Variants in RARRES1 observed in about 807,000 individuals in gnomAD.
The protein encoded by RARRES1 is retinoic acid receptor responder 1.
A neutral mutation model predicts 30.6 loss-of-function variants in RARRES1; 34 were observed. The ratio of observed to expected loss-of-function variants is 1.11; its 90% confidence interval spans 0.84 to 1.48. RARRES1 has a LOEUF of 1.48. Among genes scored for constraint, RARRES1 ranks in the 40% most tolerant of loss-of-function variants. The pLI is 0.00. For missense variants in RARRES1, 373 were observed against 386.5 expected, an observed-to-expected ratio of 0.97 and a Z score of 0.29; for synonymous variants, 153 against 155.5, an observed-to-expected ratio of 0.98 and a Z score of 0.12.
At chr3:158,714,211 C>T (rs998674909) in intron 1 of RARRES1, among the ~76,000 whole-genome samples, 1 of 152,190 alleles carries the variant, frequency 6.6e-6, no homozygotes. Context: ...ACGCCCTGTC[C>T]TGGGGCCACA....
intron 4 of RARRES1, among the ~76,000 whole-genome samples, chr3:158,700,863 A>C (rs1468856981): frequency 6.6e-6 from 1 of 152,110 alleles, no homozygotes; most frequent in Non-Finnish European, 1.5e-5. Flanking sequence ...GTTCCCTTTT[A>C]CTTGGTCATA....
intron 1 of RARRES1, among the ~76,000 whole-genome samples, chr3:158,722,184 T>C (rs373028192): frequency 2.8e-4 from 42 of 152,170 alleles, no homozygotes; most frequent in African/African-American, 8.9e-4. Flanking sequence ...TGCTTCCTGT[T>C]AGATGGATAA....
chr3:158,724,096 TAG>T (rs1221513263), intron 1 of RARRES1, among the ~76,000 whole-genome samples: 1 of 152,000 alleles, frequency 6.6e-6, no homozygotes, highest in Non-Finnish European at 1.5e-5. Context: ...AGTACTGAGC[TAG>T]AGAGGAGAGG....
chr3:158,727,549 T>C (rs1409172404), intron 1 of RARRES1, among the ~76,000 whole-genome samples: 1 of 152,178 alleles, frequency 6.6e-6, no homozygotes, highest in African/African-American at 2.4e-5. Flanking sequence ...GTCCCAGAAC[T>C]TGCTGAGTGG....
chr3:158,720,273 T>TGAGAGAGAGAGAGAGAGAGA (rs968371151), intron 1 of RARRES1, among the ~76,000 whole-genome samples: 18 of 144,540 alleles, frequency 1.2e-4, no homozygotes, highest in African/African-American at 4.1e-4. Flanking sequence ...TGTATGTGTG[T>TGAGAGAGAGAGAGAGAGAGA]GAGAGAGAGA....
chr3:158,699,434 A>ACCCCC (rs139216148), intron 4 of RARRES1, among the ~76,000 whole-genome samples: 18 of 137,852 alleles, frequency 1.3e-4, no homozygotes, highest in African/African-American at 4.1e-4. Flanking sequence ...CAAAAAAGCA[A>ACCCCC]CCCCCCCCCC....
intron 3 of RARRES1, among the ~76,000 whole-genome samples, chr3:158,710,080 C>T (rs1576813352): frequency 6.6e-6 from 1 of 152,250 alleles, no homozygotes; most frequent in Admixed American, 6.5e-5. Context: ...AGAGATGTCA[C>T]CTCAGCTCCT....
intron 1 of RARRES1, among the ~76,000 whole-genome samples, chr3:158,727,377 G>T (rs1256759917): frequency 6.6e-6 from 1 of 152,206 alleles, no homozygotes. Flanking sequence ...GTCTTGGCCT[G>T]GTCAGAGGGT....
chr3:158,704,608 G>C, intron 4 of RARRES1, 183 bp downstream of exon 4: 1 of 947,824 alleles, frequency 1.1e-6, no homozygotes. Context: ...TTGTGTCTTT[G>C]TTCACGACTG....
chr3:158,697,862 A>G, intron 5 of RARRES1, 35 bp from the exon 6 acceptor site: 1 of 1,588,824 alleles, frequency 6.3e-7, no homozygotes, highest in Non-Finnish European at 8.6e-7. Context: ...TATAATCTGC[A>G]AAAACTTATG....
chr3:158,696,920 T>A lies in RARRES1; in HGVS notation c.*758A>T, dbSNP rs1346949745. On this transcript the variant is annotated 3_prime_UTR_variant, in exon 6 of 6. Transcript: ENST00000237696. ...TCCTTGTAAATGAAAATTGTAAATA[T>A]TTAATATACTTTCAGTTACATCAGT... The A allele has an allele frequency of 6.6e-6, 1 of 152,232 alleles. No individual in the cohort carries two copies. The highest frequency in any genetic ancestry group is 1.5e-5 in the Non-Finnish European group (1 of 68,046). The allele number at this position is 152,232 out of a possible 1,614,324, so 9.4% of individuals were successfully genotyped here.
intron 4 of RARRES1, among the ~76,000 whole-genome samples, chr3:158,703,429 T>G (rs982308984): frequency 6.6e-6 from 1 of 152,040 alleles, no homozygotes; most frequent in African/African-American, 2.4e-5. Context: ...CCAAAAAAAA[T>G]GCAAAAACCC....
At chr3:158,704,372 T>C (rs1213711214) in intron 4 of RARRES1, among the ~76,000 whole-genome samples, 2 of 151,890 alleles carry the variant, frequency 1.3e-5, no homozygotes, top group African/African-American at 4.8e-5. Context: ...CCTGGGACTA[T>C]AGGCATGTGC....
chr3:158,698,632 T>C (rs1726627676), intron 4 of RARRES1, among the ~76,000 whole-genome samples: 1 of 152,132 alleles, frequency 6.6e-6, no homozygotes. Flanking sequence ...TTCTGTACAT[T>C]TTACTAGTGA....
chr3:158,712,650 CA>C (rs3836407), intron 2 of RARRES1, among the ~76,000 whole-genome samples: 47,962 of 152,012 alleles, frequency 0.32, 7,608 homozygotes, highest in South Asian at 0.44. Flanking sequence ...CCTCTGTTGT[CA>C]AAGTCATTTC....
chr3:158,703,919 AT>A (rs1435437707), intron 4 of RARRES1, among the ~76,000 whole-genome samples: 2 of 152,196 alleles, frequency 1.3e-5, no homozygotes, highest in Non-Finnish European at 2.9e-5. Context: ...TGTCCAGAAG[AT>A]TATACAAATT....
At chr3:158,732,117 C>T in intron 1 of RARRES1, 23 bp downstream of exon 1, 1 of 1,318,830 alleles carries the variant, frequency 7.6e-7, no homozygotes, top group Non-Finnish European at 9.6e-7. Flanking sequence ...GGCGCGTGCC[C>T]CGGCGCGTCG....
chr3:158,724,674 T>TA (rs755030894), intron 1 of RARRES1, among the ~76,000 whole-genome samples: 15 of 152,222 alleles, frequency 9.9e-5, no homozygotes, highest in Non-Finnish European at 1.9e-4. Flanking sequence ...TTTAACTCAC[T>TA]AAATCTGAGG....
chr3:158,701,047 T>G (rs930431392), intron 4 of RARRES1, among the ~76,000 whole-genome samples: 1 of 152,236 alleles, frequency 6.6e-6, no homozygotes, highest in Non-Finnish European at 1.5e-5. Flanking sequence ...TATATGTAGC[T>G]TTGGCTAATG....
Sources: gnomAD v4.1 joint callset for allele counts (sites outside exome capture counted in the v4.1 genomes callset) on GRCh38, gnomAD v4.1.1 for gene constraint, MANE v1.5 for transcripts, NCBI Gene and HGNC (gene_info 2026-07-23, HGNC 2026-07-21) for gene names.